Variants in PLXNA4 observed in about 807,000 individuals in gnomAD.
The protein encoded by PLXNA4 is plexin A4.
In PLXNA4, 44 loss-of-function variants were observed where a neutral mutation model predicts 191.8. The ratio of observed to expected loss-of-function variants is 0.23; its 90% CI spans 0.18 to 0.29. The LOEUF is 0.29. Ranked by LOEUF, PLXNA4 falls within the 10% of genes least tolerant of loss-of-function variation. PLXNA4 has a pLI of 1.00. For synonymous variants in PLXNA4, 1,082 were observed against 1,009.5 expected, an observed-to-expected ratio of 1.07 and a Z score of -1.36; for missense variants, 1,800 against 2,488.8, an observed-to-expected ratio of 0.72 and a Z score of 5.89.
At chr7:132,431,763 G>A (rs187883547) in intron 3 of PLXNA4, among the ~76,000 whole-genome samples, 65 of 152,280 alleles carry the variant, frequency 4.3e-4, no homozygotes, top group Non-Finnish European at 8.2e-4. Context: ...TGGCCTCAGC[G>A]CTCCCTGGCC....
At chr7:132,261,881 C>T (rs1048248289) in intron 4 of PLXNA4, among the ~76,000 whole-genome samples, 3 of 152,162 alleles carry the variant, frequency 2.0e-5, no homozygotes, top group African/African-American at 7.2e-5. Context: ...GCTCTGTGAG[C>T]ACCTACACAC....
At chr7:132,336,020 G>C (rs1334384473) in intron 3 of PLXNA4, among the ~76,000 whole-genome samples, 1 of 152,216 alleles carries the variant, frequency 6.6e-6, no homozygotes, top group Non-Finnish European at 1.5e-5. Flanking sequence ...TGGGAAAGAA[G>C]TTGCCAGAAC....
intron 2 of PLXNA4, among the ~76,000 whole-genome samples, chr7:132,641,992 G>T (rs1585424310): frequency 6.6e-6 from 1 of 151,832 alleles, no homozygotes; most frequent in East Asian, 1.9e-4. Flanking sequence ...GATGAAATAT[G>T]GTAAAATAAA....
intron 3 of PLXNA4, among the ~76,000 whole-genome samples, chr7:132,376,576 C>T (rs904372941): frequency 6.6e-6 from 1 of 152,226 alleles, no homozygotes; most frequent in Non-Finnish European, 1.5e-5. Context: ...TAAATCTCCA[C>T]TCCCAGGAAG....
rs939332304 is a variant in PLXNA4 at position 132,508,112 on chromosome 7, C to G, written c.582G>C (p.Glu194Asp). ...TCCGGCTGGAGATGGTGGGAAAATACTCGGGCTTCCCATCCACTGCCGTGG... is the reference window on the plus strand; with the variant it reads ...TCCGGCTGGAGATGGTGGGAAAATAGTCGGGCTTCCCATCCACTGCCGTGG... ...FIATAVDGKP[E>D]YFPTISSRKL... The change falls in exon 2 of 32, where the codon GAG becomes GAC. Residue 194 changes from glutamate to aspartate, a missense_variant. By Grantham distance (45) the Glu-to-Asp change is conservative. Around this residue, in one of 6 missense-constraint regions of PLXNA4, gnomAD observed 1,397 missense variants for 1,880.4 expected, o/e 0.74. Coordinates refer to ENST00000321063, the MANE Select transcript of PLXNA4 (RefSeq NM_020911.2). This position sits in a 1 kb window ranked among gnomAD's most constrained non-coding sequence, Gnocchi z 4.4. The G allele has an allele frequency of 7.4e-6, 12 of 1,614,084 alleles. No homozygotes were observed. Among genetic ancestry groups the G allele is most frequent in the Non-Finnish European group, 9.3e-6 (11 of 1,180,054 alleles).
intron 31 of PLXNA4, among the ~76,000 whole-genome samples, chr7:132,132,405 C>CTGTTG (rs1281165868): frequency 3.2e-5 from 1 of 30,804 alleles, no homozygotes; most frequent in Admixed American, 3.7e-4. Context: ...CTGTTCTGTT[C>CTGTTG]TGTTCTGTTC....
intron 1 of PLXNA4, among the ~76,000 whole-genome samples, chr7:132,571,674 G>T (rs1801986824): frequency 6.6e-6 from 1 of 151,972 alleles, no homozygotes; most frequent in Non-Finnish European, 1.5e-5. Context: ...TATCAAAATG[G>T]GAATAAACAA....
At chr7:132,132,408 T>C (rs142054904) in intron 31 of PLXNA4, among the ~76,000 whole-genome samples, 859 of 37,852 alleles carry the variant, frequency 0.023, 21 homozygotes, top group South Asian at 0.15. Context: ...TTCTGTTCTG[T>C]TCTGTTCTGT....
chr7:132,277,854 C>A (rs1047737984), intron 4 of PLXNA4, among the ~76,000 whole-genome samples: 33 of 152,168 alleles, frequency 2.2e-4, no homozygotes, highest in African/African-American at 7.7e-4. Context: ...AACTATGCAA[C>A]TCTGCTGTTG....
At chr7:132,480,938 G>A (rs575223477) in intron 3 of PLXNA4, among the ~76,000 whole-genome samples, 2 of 152,288 alleles carry the variant, frequency 1.3e-5, no homozygotes, top group South Asian at 4.1e-4. Flanking sequence ...TGTGAAGGCC[G>A]AGGCAGCCAG....
intron 21 of PLXNA4, among the ~76,000 whole-genome samples, chr7:132,174,211 TGAA>T (rs1796382845): frequency 6.6e-6 from 1 of 152,176 alleles, no homozygotes; most frequent in Non-Finnish European, 1.5e-5. Flanking sequence ...AAGTATAATA[TGAA>T]TAGACACCTA....
intron 3 of PLXNA4, among the ~76,000 whole-genome samples, chr7:132,389,290 T>G (rs1316081014): frequency 1.1e-4 from 17 of 152,242 alleles, no homozygotes; most frequent in African/African-American, 3.9e-4. Context: ...TTGTTGTCTA[T>G]TTTGGCTTTT....
intron 3 of PLXNA4, among the ~76,000 whole-genome samples, chr7:132,301,751 A>C (rs917916640): frequency 3.3e-5 from 5 of 152,280 alleles, no homozygotes; most frequent in African/African-American, 1.2e-4. Context: ...AGAAACGTGC[A>C]TATGAATGAA....
intron 4 of PLXNA4, 30 bp from the exon 5 acceptor site, chr7:132,241,196 C>A (rs1312011169): frequency 1.3e-6 from 2 of 1,539,652 alleles, no homozygotes; most frequent in South Asian, 2.3e-5. Context: ...AGAAGGTGGT[C>A]AAGATTTTGC....
At chr7:132,334,252 C>CTTTTTTTTTTTTTTTTT (rs71529758) in intron 3 of PLXNA4, among the ~76,000 whole-genome samples, 30 of 75,596 alleles carry the variant, frequency 4.0e-4, no homozygotes, top group Non-Finnish European at 5.7e-4. Flanking sequence ...TTCTTTCTTT[C>CTTTTTTTTTTTTTTTTT]TTTTTTTTTT....
At chr7:132,561,877 C>T (rs116819513) in intron 1 of PLXNA4, among the ~76,000 whole-genome samples, 2,485 of 143,616 alleles carry the variant, frequency 0.017, 99 homozygotes, top group African/African-American at 0.063. Context: ...TTCTCCTCCT[C>T]CTTCTCCTCT....
intron 3 of PLXNA4, among the ~76,000 whole-genome samples, chr7:132,337,711 C>T (rs757861945): frequency 6.6e-6 from 1 of 152,180 alleles, no homozygotes; most frequent in Non-Finnish European, 1.5e-5. Context: ...AATGACACAA[C>T]CAGACCATGT....
chr7:132,399,768 G>A (rs2117034546), intron 3 of PLXNA4, among the ~76,000 whole-genome samples: 1 of 152,322 alleles, frequency 6.6e-6, no homozygotes, highest in South Asian at 2.1e-4. Context: ...GATGAAAGTA[G>A]ACTGCTCTTA....
At chr7:132,276,563 T>A (rs774820333) in intron 4 of PLXNA4, among the ~76,000 whole-genome samples, 6 of 152,054 alleles carry the variant, frequency 3.9e-5, no homozygotes, top group Non-Finnish European at 7.4e-5. Context: ...ATGAACTGCA[T>A]GTAAGTTAAT....
Sources: allele counts gnomAD v4.1 joint callset (sites outside exome capture counted in the v4.1 genomes callset), GRCh38; gene constraint gnomAD v4.1.1; regional missense constraint gnomAD v4.1.1; non-coding constraint Gnocchi (gnomAD v3.1); transcripts MANE v1.5; gene names NCBI Gene and HGNC (gene_info 2026-07-23, HGNC 2026-07-21).